The following RBPMS variants were observed in gnomAD, a reference collection of about 807,000 sequenced individuals.
The protein encoded by RBPMS is RNA-binding protein with multiple splicing.
In RBPMS, 7 loss-of-function variants were observed where a neutral mutation model predicts 26.8. The observed-to-expected ratio is 0.26, with a 90% CI of 0.15 to 0.49. The LOEUF is 0.49. Ranked by LOEUF, RBPMS falls within the 20% of genes least tolerant of loss-of-function variation. The pLI, the probability that RBPMS is intolerant of heterozygous loss-of-function variation, is 0.98. For missense variants in RBPMS, 186 were observed against 250.0 expected (o/e 0.74, Z 1.73); for synonymous variants, 96 against 93.3 (o/e 1.03, Z -0.17).
rs532342762 is a variant in RBPMS at position 30,442,447 on chromosome 8, G to A, written c.67-32332G>A. 1.2e-4 allele frequency among the ~76,000 whole-genome samples: 18 copies of A among 152,164 alleles called. 2 individuals carry two copies. Among genetic ancestry groups the A allele is most frequent in the African/African-American group, 4.1e-4 (17 of 41,506 alleles). On this transcript the variant is annotated intron_variant, in intron 1 of 8. Transcript: ENST00000397323. ...TCCCACTCCTTTCACCCTCACCGTGGCAACTCCAGAATGTGGGTTTCTGGC... is the reference window on the plus strand; with the variant it reads ...TCCCACTCCTTTCACCCTCACCGTGACAACTCCAGAATGTGGGTTTCTGGC...
chr8:30,547,475 C>A (rs978324044), intron 6 of RBPMS: 1 of 1,556,196 alleles, frequency 6.4e-7, no homozygotes, highest in African/African-American at 1.4e-5. Context: ...TTCTTGACGA[C>A]CTTTGAGAGA....
At chr8:30,461,135 G>A (rs949592283) in intron 1 of RBPMS, among the ~76,000 whole-genome samples, 3 of 151,702 alleles carry the variant, frequency 2.0e-5, no homozygotes, top group African/African-American at 2.4e-5. Context: ...TAACTACATA[G>A]CTTCTACTGC....
At chr8:30,532,374 A>G (rs536760014) in intron 5 of RBPMS, among the ~76,000 whole-genome samples, 1 of 152,336 alleles carries the variant, frequency 6.6e-6, no homozygotes, top group Admixed American at 6.5e-5. Context: ...CCCAGATTGT[A>G]TTCCTTACCT....
At chr8:30,484,115 G>C (rs1818548645) in intron 4 of RBPMS, among the ~76,000 whole-genome samples, 1 of 151,994 alleles carries the variant, frequency 6.6e-6, no homozygotes, top group African/African-American at 2.4e-5. Context: ...AGAATTTCTG[G>C]GTCATGTGGT....
chr8:30,393,786 TG>T (rs1808070543), intron 1 of RBPMS, among the ~76,000 whole-genome samples: 1 of 152,076 alleles, frequency 6.6e-6, no homozygotes, highest in Admixed American at 6.6e-5. Flanking sequence ...GCCAAAGTGC[TG>T]GGATTACAGG....
intron 1 of RBPMS, among the ~76,000 whole-genome samples, chr8:30,430,249 T>G (rs951266723): frequency 2.6e-5 from 4 of 152,194 alleles, no homozygotes; most frequent in African/African-American, 9.7e-5. Flanking sequence ...GATGGATAGA[T>G]AAATAAATTA....
intron 4 of RBPMS, among the ~76,000 whole-genome samples, chr8:30,500,017 C>A (rs901849509): frequency 6.6e-6 from 1 of 152,054 alleles, no homozygotes; most frequent in African/African-American, 2.4e-5. Context: ...GAATAAAGTT[C>A]TTTGTTAAAA....
chr8:30,442,510 C>G lies in RBPMS; in HGVS notation c.67-32269C>G, dbSNP rs191847237. 6.2e-5 allele frequency: 9 copies of G among 146,280 alleles called. No individual in the cohort carries two copies. The East Asian group carries it at 1.7e-3, about 28-fold the overall frequency. The allele number at this position is 146,280 out of a possible 1,614,324, so 9.1% of individuals were successfully genotyped here. On this transcript the variant is annotated intron_variant, in intron 1 of 8. Transcript: ENST00000397323. The stretch of plus-strand genomic sequence containing the variant: ...GTTTCTGTAAACCTTCGCAGCCAGT[C>G]GCTGCCTTTTCCATTTTAATTGCAT...
intron 1 of RBPMS, among the ~76,000 whole-genome samples, chr8:30,388,514 A>G (rs553557747): frequency 4.1e-5 from 1 of 24,468 alleles, no homozygotes; most frequent in Admixed American, 4.3e-4. Context: ...AGCTATAGCT[A>G]TAAGCTAACT....
rs369144552 is a variant in RBPMS, at chr8:30,456,507, A to T, written c.67-18272A>T. 4.3e-3 allele frequency among the ~76,000 whole-genome samples: 604 copies of T among 141,636 alleles called. 5 individuals are homozygous for T. Among genetic ancestry groups the T allele is most frequent in the African/African-American group, 0.011 (416 of 39,178 alleles). The allele number at this position is 141,636 out of a possible 152,430, so 92.9% of individuals were successfully genotyped here. A position where few individuals can be genotyped will look rare whatever the true frequency, so the allele number is the denominator to read the frequency against. ...AACCACACTAAAAAGATTTTTTTTTAAAATCATGGTTATATTGTAGTTTAA... is the reference window on the plus strand; with the variant it reads ...AACCACACTAAAAAGATTTTTTTTTTAAATCATGGTTATATTGTAGTTTAA... On this transcript the variant is annotated intron_variant, in intron 1 of 8. Transcript: ENST00000397323.
chr8:30,392,196 G>A (rs1334383399), intron 1 of RBPMS, among the ~76,000 whole-genome samples: 1 of 152,136 alleles, frequency 6.6e-6, no homozygotes, highest in Non-Finnish European at 1.5e-5. Flanking sequence ...GGATGGAGCT[G>A]TGTCACAGAA....
chr8:30,472,678 A>C (rs1444236264), intron 1 of RBPMS, among the ~76,000 whole-genome samples: 3 of 152,272 alleles, frequency 2.0e-5, no homozygotes, highest in African/African-American at 7.2e-5. Flanking sequence ...ACATACTTAC[A>C]TGCAAATGGC....
intron 1 of RBPMS, among the ~76,000 whole-genome samples, chr8:30,436,429 T>G (rs998313389): frequency 2.0e-5 from 3 of 152,192 alleles, no homozygotes; most frequent in African/African-American, 7.2e-5. Flanking sequence ...AGCCTTGCTT[T>G]TTTCTCCTTT....
At chr8:30,511,481 AAAAAAATATATATATATATATATAT>A (rs370868264) in intron 5 of RBPMS, among the ~76,000 whole-genome samples, 8,671 of 73,110 alleles carry the variant, frequency 0.12, 528 homozygotes, top group African/African-American at 0.14. Flanking sequence ...GAAAAAAAAA[AAAAAAATATATATATATATATATAT>A]ATATATATAT....
intron 1 of RBPMS, 113 bp from the exon 2 acceptor site, chr8:30,474,666 A>C: frequency 1.5e-6 from 1 of 663,988 alleles, no homozygotes; most frequent in East Asian, 2.6e-5. Context: ...AAAGAGCATG[A>C]ATTTAGTATG....
At chr8:30,551,300 C>G (rs1826350825) in intron 6 of RBPMS, among the ~76,000 whole-genome samples, 1 of 152,200 alleles carries the variant, frequency 6.6e-6, no homozygotes, top group Non-Finnish European at 1.5e-5. Flanking sequence ...TACTGAGGCC[C>G]AGGCCTCTCC....
At chr8:30,443,796 C>T (rs765814181) in intron 1 of RBPMS, among the ~76,000 whole-genome samples, 124 of 151,970 alleles carry the variant, frequency 8.2e-4, no homozygotes, top group Non-Finnish European at 1.4e-3. Context: ...AGGATTTCAC[C>T]GCGTTGGCCG....
intron 4 of RBPMS, among the ~76,000 whole-genome samples, chr8:30,490,245 C>T (rs1819243794): frequency 6.6e-6 from 1 of 152,184 alleles, no homozygotes; most frequent in South Asian, 2.1e-4. Context: ...CAGGGAAACA[C>T]AGTTGCAATG....
rs567284485 is a variant in RBPMS, at chr8:30,392,663, C to T, written c.66+7505C>T. Reference sequence around the variant, plus strand: ...AAGTGAGGCAGCAGCCTGGCAGTGGCAACTGAGGCAGAGATGCCAGGTGTT... The same window carrying T: ...AAGTGAGGCAGCAGCCTGGCAGTGGTAACTGAGGCAGAGATGCCAGGTGTT... On this transcript the variant is annotated intron_variant, in intron 1 of 8. Coordinates refer to ENST00000397323, the MANE Select transcript of RBPMS (RefSeq NM_001008710.3). 1.2e-3 allele frequency among the ~76,000 whole-genome samples: 184 copies of T among 152,296 alleles called. 1 individual carries two copies. The highest frequency in any genetic ancestry group is 4.4e-3 in the African/African-American group (182 of 41,566).
Sources: gnomAD v4.1 joint callset for allele counts (sites outside exome capture counted in the v4.1 genomes callset) on GRCh38, gnomAD v4.1.1 for gene constraint, MANE v1.5 for transcripts, NCBI Gene and HGNC (gene_info 2026-07-23, HGNC 2026-07-21) for gene names.